IGSF9B: variants seen among roughly 807,000 people sequenced by gnomAD.
IGSF9B encodes the protein protein turtle homolog B.
In IGSF9B, 48 loss-of-function variants were observed where a neutral mutation model predicts 143.7. The observed-to-expected ratio is 0.33, with a 90% CI of 0.26 to 0.42. The LOEUF is 0.42. Ranked by LOEUF, IGSF9B falls within the 20% of genes least tolerant of loss-of-function variation. The probability of loss-of-function intolerance (pLI) is 1.00; values close to 1 mark genes in which losing one functional copy is unlikely to be tolerated. For missense variants in IGSF9B, 1,706 were observed against 1,980.0 expected, an observed-to-expected ratio of 0.86 and a Z score of 2.63; for synonymous variants, 903 against 833.1, an observed-to-expected ratio of 1.08 and a Z score of -1.44.
At chr11:133,921,507 G>C in intron 17 of IGSF9B, 110 bp from the exon 18 acceptor site, 1 of 791,036 alleles carries the variant, frequency 1.3e-6, no homozygotes, top group Non-Finnish European at 1.9e-6. Context: ...TCACGCTCAA[G>C]AAAACTGGCT....
rs1939148534 is a variant in IGSF9B at position 133,902,372 on chromosome 11, C to T, written c.*6697G>A. On this transcript the variant is annotated 3_prime_UTR_variant, in exon 20 of 20. Coordinates refer to ENST00000533871, the MANE Select transcript of IGSF9B (RefSeq NM_001277285.4). ...CATACACAACCACACAATAGACACA[C>T]CACACACAACACACCACACAATACG... Among the ~76,000 whole-genome samples the T allele has an allele frequency of 6.8e-6, 1 of 147,180 alleles. No homozygotes were observed. Among genetic ancestry groups the T allele is most frequent in the Non-Finnish European group, 1.5e-5 (1 of 66,600 alleles).
chr11:133,905,607 C>CAT lies in IGSF9B; in HGVS notation c.*3460_*3461dup, dbSNP rs1939199446. Among the ~76,000 whole-genome samples the CAT allele has an allele frequency of 6.6e-6, 1 of 152,244 alleles. No homozygotes were observed. Among genetic ancestry groups the CAT allele is most frequent in the Non-Finnish European group, 1.5e-5 (1 of 68,032 alleles). On this transcript the variant is annotated 3_prime_UTR_variant, in exon 20 of 20. Transcript: ENST00000533871. This position sits in a 1 kb window ranked among gnomAD's most constrained non-coding sequence, Gnocchi z 4.0. ...CCCGGCTTCAGTCTTCCCCCAAGCGCATGGTTGTGGGACTAAGCACCTCAA... is the reference window on the plus strand; with the variant it reads ...CCCGGCTTCAGTCTTCCCCCAAGCGCATATGGTTGTGGGACTAAGCACCTCAA...
At position 133,908,139 on chromosome 11, in the gene IGSF9B, G is replaced by T. The variant is rs924885252; in HGVS notation, c.*930C>A. On this transcript the variant is annotated 3_prime_UTR_variant, in exon 20 of 20. Coordinates refer to ENST00000533871, the MANE Select transcript of IGSF9B (RefSeq NM_001277285.4). ...TCACGGCCTGGCTGGGCGGAAGGGC[G>T]CCGACGGATGCGCTGGACATGTGCA... 6.6e-6 allele frequency among the ~76,000 whole-genome samples: 1 copy of T among 152,176 alleles called. No individual in the cohort carries two copies. The highest frequency in any genetic ancestry group is 1.5e-5 in the Non-Finnish European group (1 of 68,026).
In IGSF9B at chr11:133,945,177, C is replaced by A. The variant is rs1299543478; in HGVS notation, c.263-811G>T. ...AGCAGCCCTCGAGGTCGGCCCACCT[C>A]ACCCGCTCTTAGCTCACCCCTCACC... On this transcript the variant is annotated intron_variant, in intron 2 of 19. Transcript: ENST00000533871. The surrounding 1 kb of genome is among the most constrained non-coding windows in gnomAD (Gnocchi z 4.6). 1.3e-5 allele frequency among the ~76,000 whole-genome samples: 2 copies of A among 152,226 alleles called. No individual in the cohort carries two copies. The highest frequency in any genetic ancestry group is 1.3e-4 in the Admixed American group (2 of 15,284).
In IGSF9B at chr11:133,919,839, C is replaced by A. The variant is rs757921495; in HGVS notation, c.3886G>T (p.Asp1296Tyr). 1.9e-6 allele frequency: 3 copies of A among 1,579,352 alleles called. No homozygotes were observed. Among genetic ancestry groups the A allele is most frequent in the Non-Finnish European group, 2.6e-6 (3 of 1,162,724 alleles). ...PPGPAPAGPG[D>Y]SLDVFGQTPS... Reference sequence around the variant, plus strand: ...GTCTGTCCAAACACGTCCAAGCTGTCCCCAGGCCCAGCAGGGGCGGGGCCG... The same window carrying A: ...GTCTGTCCAAACACGTCCAAGCTGTACCCAGGCCCAGCAGGGGCGGGGCCG... The change falls in exon 18 of 20, where the codon GAC (aspartate) becomes TAC (tyrosine). Residue 1296 changes from aspartate to tyrosine, a missense_variant. Asp to Tyr is a radical substitution (Grantham distance 160). Coordinates refer to ENST00000533871, the MANE Select transcript of IGSF9B (RefSeq NM_001277285.4).
chr11:133,930,460 C>G (rs1939701537), intron 11 of IGSF9B, among the ~76,000 whole-genome samples: 1 of 152,148 alleles, frequency 6.6e-6, no homozygotes, highest in East Asian at 1.9e-4. Flanking sequence ...CCGTCAGGAC[C>G]CAGAAGGACA....
At position 133,903,316 on chromosome 11, in the gene IGSF9B, A is replaced by G. The variant is rs1044999130; in HGVS notation, c.*5753T>C. On this transcript the variant is annotated 3_prime_UTR_variant, in exon 20 of 20. Coordinates refer to ENST00000533871, the MANE Select transcript of IGSF9B (RefSeq NM_001277285.4). ...ATGGGAATGGTGACAACCAAGGACC[A>G]GTGACAGGAGCTGAGCATTTGAGCC... Among the ~76,000 whole-genome samples, 3 of 152,168 alleles carry G rather than the reference A, an allele frequency of 2.0e-5. No homozygotes were observed. The highest frequency in any genetic ancestry group is 4.4e-5 in the Non-Finnish European group (3 of 68,032).
At chr11:133,937,573 G>T in intron 4 of IGSF9B, 80 bp from the exon 5 acceptor site, 1 of 1,208,268 alleles carries the variant, frequency 8.3e-7, no homozygotes, top group South Asian at 1.3e-5. Context: ...GATGCAGTCG[G>T]AGACACTAAG....
At position 133,897,853 on chromosome 11, in the gene IGSF9B, CAA is replaced by C. The variant is rs1939045905; in HGVS notation, c.*11214_*11215del. Reference sequence around the variant, plus strand: ...TTGTTGGTTTGTCTTTAATGTTGAACAAAAGTCAGCCAACCCATACCATAAAG... The same window carrying C: ...TTGTTGGTTTGTCTTTAATGTTGAACAAGTCAGCCAACCCATACCATAAAG... On this transcript the variant is annotated 3_prime_UTR_variant, in exon 20 of 20. Transcript: ENST00000533871. The C allele has an allele frequency of 6.6e-6, 1 of 152,102 alleles. No individual in the cohort carries two copies. Among genetic ancestry groups the C allele is most frequent in the South Asian group, 2.1e-4 (1 of 4,832 alleles). The allele number at this position is 152,102 out of a possible 1,614,324, so 9.4% of individuals were successfully genotyped here.
chr11:133,920,351 G>C lies in IGSF9B; in HGVS notation c.3374C>G (p.Pro1125Arg), dbSNP rs1591711428. The change falls in exon 18 of 20, where the codon CCT (proline) becomes CGT (arginine). Residue 1125 changes from proline to arginine, a missense_variant. Pro to Arg is a moderately radical substitution (Grantham distance 103, BLOSUM62 -2). Transcript: ENST00000533871. ...APPAAKWQDR[P>R]MQPLVSQGQL... ...CCCTTGGCTTACCAGAGGTTGCATA[G>C]GTCTGTCCTGCCACTTGGCGGCGGG... The C allele has an allele frequency of 6.2e-7, 1 of 1,604,682 alleles. No individual in the cohort carries two copies. Among genetic ancestry groups the C allele is most frequent in the Admixed American group, 1.7e-5 (1 of 58,250 alleles).
rs1047588072 is a variant in IGSF9B at position 133,905,262 on chromosome 11, A to T, written c.*3807T>A. Among the ~76,000 whole-genome samples the T allele has an allele frequency of 6.6e-6, 1 of 151,764 alleles. No homozygotes were observed. The highest frequency in any genetic ancestry group is 1.5e-5 in the Non-Finnish European group (1 of 67,968). Reference sequence around the variant, plus strand: ...CCCACCCCACCCCCAAGCCTGGAAAAGGCTTTTGCTAACAAAATAGGAAGA... The same window carrying T: ...CCCACCCCACCCCCAAGCCTGGAAATGGCTTTTGCTAACAAAATAGGAAGA... On this transcript the variant is annotated 3_prime_UTR_variant, in exon 20 of 20. Transcript: ENST00000533871. The surrounding 1 kb of genome is among the most constrained non-coding windows in gnomAD (Gnocchi z 4.0).
chr11:133,919,122 GGGGGGGT>G, intron 18 of IGSF9B: 1 of 371,178 alleles, frequency 2.7e-6, no homozygotes, highest in Non-Finnish European at 5.5e-6. Flanking sequence ...GGTATACGGG[GGGGGGGT>G]GGGGGACGTG....
rs986454603 is a variant in IGSF9B, at chr11:133,931,228, G to C, written c.1369-94C>G. The C allele has an allele frequency of 4.5e-6, 6 of 1,325,884 alleles. No individual in the cohort carries two copies. The highest frequency in any genetic ancestry group is 6.3e-6 in the Non-Finnish European group (6 of 953,264). 82.1% of individuals were successfully genotyped at this position (1,325,884 alleles called of 1,614,324 possible). A position where few individuals can be genotyped will look rare whatever the true frequency, so the allele number is the denominator to read the frequency against. On this transcript the variant is annotated intron_variant, in intron 10 of 19. Transcript: ENST00000533871. This position sits in a 1 kb window ranked among gnomAD's most constrained non-coding sequence, Gnocchi z 7.7. ...ATGGGGAGGACGCGCCTGAGACCCC[G>C]GCCCGCCCACGCTGCCCTCCTCCCG...
chr11:133,930,892 G>A (rs559234638), intron 11 of IGSF9B, 92 bp downstream of exon 11: 206 of 1,298,556 alleles, frequency 1.6e-4, no homozygotes, highest in African/African-American at 9.5e-4. Context: ...AGAGTGCAGC[G>A]GCCACCAGGG....
In IGSF9B at chr11:133,920,599, C is replaced by A; in HGVS notation, c.3126G>T (p.Arg1042=). Residue 1042 remains arginine (R), a synonymous_variant, in exon 18 of 20, where the codon CGG becomes CGT. Coordinates refer to ENST00000533871, the MANE Select transcript of IGSF9B (RefSeq NM_001277285.4). ...TGGRSPEPWG[R]PEFPFGGLET... Reference sequence around the variant, plus strand: ...CCAGCCCCCCGAAGGGGAATTCTGGCCGGCCCCAGGGCTCAGGGGAGCGCC... The same window carrying A: ...CCAGCCCCCCGAAGGGGAATTCTGGACGGCCCCAGGGCTCAGGGGAGCGCC... The A allele has an allele frequency of 6.2e-7, 1 of 1,613,390 alleles. No homozygotes were observed. The highest frequency in any genetic ancestry group is 8.5e-7 in the Non-Finnish European group (1 of 1,179,744).
At chr11:133,949,021 G>A (rs1940110470) in intron 1 of IGSF9B, among the ~76,000 whole-genome samples, 1 of 152,078 alleles carries the variant, frequency 6.6e-6, no homozygotes, top group African/African-American at 2.4e-5. Flanking sequence ...CCCAGCGCTG[G>A]GATTCCACCC....
rs1004731569 is a variant in IGSF9B, at chr11:133,932,283, A to G, written c.968-70T>C. On this transcript the variant is annotated intron_variant, in intron 7 of 19. Coordinates refer to ENST00000533871, the MANE Select transcript of IGSF9B (RefSeq NM_001277285.4). ...GGGACAGACAGACAGACACAGGGAC[A>G]GACAGACAGACACAGGGACAGACAG... is the stretch of plus-strand genomic sequence containing the variant. The G allele has an allele frequency of 4.9e-6, 7 of 1,442,630 alleles. No individual in the cohort carries two copies. In the African/African-American group the frequency reaches 7.6e-5, roughly 16 times the overall value. The allele number at this position is 1,442,630 out of a possible 1,614,324, so 89.4% of individuals were successfully genotyped here.
At position 133,909,357 on chromosome 11, in the gene IGSF9B, T is replaced by A; in HGVS notation, c.4106-80A>T. The A allele has an allele frequency of 8.9e-7, 1 of 1,128,244 alleles. No individual in the cohort carries two copies. The highest frequency in any genetic ancestry group is 1.3e-6 in the Non-Finnish European group (1 of 779,918). The allele number at this position is 1,128,244 out of a possible 1,614,324, so 69.9% of individuals were successfully genotyped here. The stretch of plus-strand genomic sequence containing the variant: ...ACGCAGCCTGCTCACCTTTTCCACC[T>A]GCATTTGTTCCGGGTTTCTAATGTT... On this transcript the variant is annotated intron_variant, in intron 19 of 19. Coordinates refer to ENST00000533871, the MANE Select transcript of IGSF9B (RefSeq NM_001277285.4). This position sits in a 1 kb window ranked among gnomAD's most constrained non-coding sequence, Gnocchi z 4.2.
At position 133,920,734 on chromosome 11, in the gene IGSF9B, C is replaced by T. The variant is rs367781732; in HGVS notation, c.2991G>A (p.Ser997=). 2.6e-3 allele frequency: 4,249 copies of T among 1,612,884 alleles called. 7 individuals carry two copies. Among genetic ancestry groups the T allele is most frequent in the Non-Finnish European group, 3.2e-3 (3,784 of 1,179,520 alleles). ...GCCCCTCGGTGGGCAGGGGCGGGGA[C>T]GACATGACGGAGCTCAGGGGGCTGC... ...EVGSPLSSVM[S]SPPLPTEGPF... Residue 997 remains serine, a synonymous_variant, in exon 18 of 20, where the codon TCG becomes TCA. Transcript: ENST00000533871.
Sources: gnomAD v4.1 joint callset for allele counts (sites outside exome capture counted in the v4.1 genomes callset) on GRCh38, gnomAD v4.1.1 for gene constraint, Gnocchi (gnomAD v3.1) non-coding constraint, MANE v1.5 for transcripts, NCBI Gene and HGNC (gene_info 2026-07-23, HGNC 2026-07-21) for gene names.